The following ZNF462 variants were observed in gnomAD, a reference collection of about 807,000 sequenced individuals.
ZNF462 encodes zinc finger PBX1-interacting protein.
Under a neutral mutation model 201.9 loss-of-function variants are expected in ZNF462, and 10 were observed. The ratio of observed to expected loss-of-function variants is 0.05; its 90% CI spans 0.03 to 0.08. The LOEUF (loss-of-function observed/expected upper bound fraction) is 0.08. Ranked by LOEUF, ZNF462 falls within the 10% of genes least tolerant of loss-of-function variation. ZNF462 has a pLI of 1.00. For missense variants in ZNF462, 2,523 were observed against 3,168.3 expected (o/e 0.80, Z 4.89); for synonymous variants, 1,227 against 1,193.3 (o/e 1.03, Z -0.58).
chr9:106,911,990 C>T (rs2131311186), intron 1 of ZNF462, among the ~76,000 whole-genome samples: 1 of 152,266 alleles, frequency 6.6e-6, no homozygotes, highest in East Asian at 1.9e-4. Context: ...GAACAATATT[C>T]TGGTATCATT....
At chr9:106,922,440 C>T (rs116853836) in intron 1 of ZNF462, among the ~76,000 whole-genome samples, 2,437 of 152,218 alleles carry the variant, frequency 0.016, 29 homozygotes, top group Non-Finnish European at 0.027. Flanking sequence ...ATTTATTCCA[C>T]GGTAGGTTCA....
At chr9:106,868,218 A>T (rs146747107) in intron 1 of ZNF462, among the ~76,000 whole-genome samples, 63 of 152,342 alleles carry the variant, frequency 4.1e-4, no homozygotes, top group African/African-American at 1.5e-3. Flanking sequence ...GAGAGTAGAT[A>T]ATGCTAGAAG....
rs1397110264 is a variant in ZNF462 at position 106,924,943 on chromosome 9, C to T, written c.1031C>T (p.Pro344Leu). The T allele has an allele frequency of 1.2e-6, 2 of 1,614,054 alleles. No homozygotes were observed. Among genetic ancestry groups the T allele is most frequent in the Non-Finnish European group, 1.7e-6 (2 of 1,180,030 alleles). ...TCCAAGTTTTCGCCCATGTCTTACC[C>T]TCAGATGAAGCCGAAGTCACCTCAC... ...SASKFSPMSY[P>L]QMKPKSPHNS... Residue 344 changes from proline (P) to leucine (L), a missense_variant, in exon 3 of 13, where the codon CCT (proline) becomes CTT (leucine). Coordinates refer to ENST00000277225, the MANE Select transcript of ZNF462 (RefSeq NM_021224.6). The surrounding 1 kb of genome is among the most constrained non-coding windows in gnomAD (Gnocchi z 6.2).
chr9:106,955,552 A>G (rs13287664), intron 7 of ZNF462, among the ~76,000 whole-genome samples: 1 of 152,144 alleles, frequency 6.6e-6, no homozygotes, highest in Admixed American at 6.6e-5. Context: ...AAGTAAAACA[A>G]CAATGAAGTT....
chr9:106,864,083 TCTC>T (rs1827199454), intron 1 of ZNF462, among the ~76,000 whole-genome samples: 2 of 128,910 alleles, frequency 1.6e-5, no homozygotes, highest in African/African-American at 5.6e-5. Context: ...TCTCTCTCTC[TCTC>T]TCTCTCTCTC....
In ZNF462 at chr9:107,005,010, C is replaced by G. The variant is rs1241591273; in HGVS notation, c.7189+1584C>G. Among the ~76,000 whole-genome samples the G allele has an allele frequency of 6.6e-6, 1 of 152,098 alleles. No individual in the cohort carries two copies. The highest frequency in any genetic ancestry group is 1.5e-5 in the Non-Finnish European group (1 of 68,016). Reference sequence around the variant, plus strand: ...GTCTCATTTCACTTAATGTAATGTTCTACAAGTTTATCTATGTTGTCACAA... The same window carrying G: ...GTCTCATTTCACTTAATGTAATGTTGTACAAGTTTATCTATGTTGTCACAA... On this transcript the variant is annotated intron_variant, in intron 11 of 12. Coordinates refer to ENST00000277225, the MANE Select transcript of ZNF462 (RefSeq NM_021224.6). The surrounding 1 kb of genome is among the most constrained non-coding windows in gnomAD (Gnocchi z 4.4).
At chr9:106,878,667 C>T (rs1198829186) in intron 1 of ZNF462, among the ~76,000 whole-genome samples, 1 of 152,140 alleles carries the variant, frequency 6.6e-6, no homozygotes, top group East Asian at 1.9e-4. Flanking sequence ...TCCTCAGCCA[C>T]ATTCAAATAG....
At chr9:106,912,710 A>T (rs147296289) in intron 1 of ZNF462, among the ~76,000 whole-genome samples, 1 of 152,288 alleles carries the variant, frequency 6.6e-6, no homozygotes, top group African/African-American at 2.4e-5. Context: ...GAAAATGAAG[A>T]TGTTGGACCA....
upstream of ZNF462, among the ~76,000 whole-genome samples, chr9:106,861,075 G>A (rs1827053495): frequency 6.6e-6 from 1 of 151,480 alleles, no homozygotes; most frequent in Non-Finnish European, 1.5e-5. Flanking sequence ...CACCGCACGC[G>A]TAGAGTGTCA....
At chr9:106,918,681 C>G (rs1829876758) in intron 1 of ZNF462, among the ~76,000 whole-genome samples, 1 of 152,154 alleles carries the variant, frequency 6.6e-6, no homozygotes, top group Non-Finnish European at 1.5e-5. Flanking sequence ...ATTAATCTCC[C>G]AATACACATC....
chr9:106,904,051 A>G (rs1829166955), intron 1 of ZNF462, among the ~76,000 whole-genome samples: 1 of 151,828 alleles, frequency 6.6e-6, no homozygotes, highest in African/African-American at 2.4e-5. Context: ...TGTTTTAAAG[A>G]GATTCTGTTT....
Position 107,009,332 on chromosome 9 carries a change from G to C in ZNF462, c.7190-213G>C. ...CATTGGGGAGGTGAGGCGAAATGAG[G>C]TCTTGGGGCCCAAGAACCAGAAACA... On this transcript the variant is annotated intron_variant, in intron 11 of 12. Coordinates refer to ENST00000277225, the MANE Select transcript of ZNF462 (RefSeq NM_021224.6). This position sits in a 1 kb window ranked among gnomAD's most constrained non-coding sequence, Gnocchi z 6.1. 1 of 573,334 alleles carries C rather than the reference G, an allele frequency of 1.7e-6. No homozygotes were observed. Among genetic ancestry groups the C allele is most frequent in the Non-Finnish European group, 2.9e-6 (1 of 342,246 alleles). The allele number at this position is 573,334 out of a possible 1,614,324, so 35.5% of individuals were successfully genotyped here.
rs757468040 is a variant in ZNF462 at position 107,011,000 on chromosome 9, C to G, written c.7491C>G (p.Leu2497=). The part of the protein sequence containing the change: ...AICVVTADKS[L]LENAEAKKE ...GTGTAGTAACTGCCGACAAATCTCT[C>G]CTGGAGAATGCAGAGGCCAAAAAAG... is the stretch of plus-strand genomic sequence containing the variant. Residue 2497 remains leucine, a synonymous_variant, in exon 13 of 13, where the codon CTC becomes CTG. Transcript: ENST00000277225. The surrounding 1 kb of genome is among the most constrained non-coding windows in gnomAD (Gnocchi z 4.6). 6.2e-7 allele frequency: 1 copy of G among 1,613,604 alleles called. No individual in the cohort carries two copies. Among genetic ancestry groups the G allele is most frequent in the East Asian group, 2.2e-5 (1 of 44,774 alleles).
In ZNF462 at chr9:106,932,653, T is replaced by A. The variant is rs1830471693; in HGVS notation, c.6116+104T>A. The A allele has an allele frequency of 1.4e-6, 2 of 1,430,364 alleles. No homozygotes were observed. The highest frequency in any genetic ancestry group is 3.8e-5 in the Admixed American group (2 of 52,318). 88.6% of individuals were successfully genotyped at this position (1,430,364 alleles called of 1,614,324 possible). On this transcript the variant is annotated intron_variant, in intron 5 of 12. Transcript: ENST00000277225. The surrounding 1 kb of genome is among the most constrained non-coding windows in gnomAD (Gnocchi z 6.8). The stretch of plus-strand genomic sequence containing the variant: ...TGGATGAGTAAGAAGGCCCCACTCA[T>A]GGTTCACACCTGCTGCTATGTTACC...
Position 106,984,103 on chromosome 9 carries a change from G to A in ZNF462, c.6833-83G>A, listed in dbSNP as rs1469206319. 7.5e-7 allele frequency: 1 copy of A among 1,337,784 alleles called. No individual in the cohort carries two copies. Among genetic ancestry groups the A allele is most frequent in the Non-Finnish European group, 1.0e-6 (1 of 960,894 alleles). The allele number at this position is 1,337,784 out of a possible 1,614,324, so 82.9% of individuals were successfully genotyped here. ...CACGAGGAGCAGCAAGATTGGGTGA[G>A]TTTCTTCTTGTATTCCAAAGAAAGA... On this transcript the variant is annotated intron_variant, in intron 9 of 12. Transcript: ENST00000277225. This position sits in a 1 kb window ranked among gnomAD's most constrained non-coding sequence, Gnocchi z 6.4.
At chr9:106,976,392 G>C (rs1256906538) in intron 9 of ZNF462, 1 of 152,214 alleles carries the variant, frequency 6.6e-6, no homozygotes, top group Non-Finnish European at 1.5e-5. Flanking sequence ...CTGAAACCTA[G>C]AGGAATTTGT....
intron 1 of ZNF462, among the ~76,000 whole-genome samples, chr9:106,877,568 G>A (rs552744259): frequency 5.9e-5 from 9 of 151,942 alleles, no homozygotes; most frequent in Middle Eastern, 6.8e-3. Context: ...TTTTAGTAGA[G>A]ATGGGGTTTC....
chr9:106,927,110 T>G lies in ZNF462; in HGVS notation c.3198T>G (p.Thr1066=). Residue 1066 remains threonine, a synonymous_variant, in exon 3 of 13, where the codon ACT becomes ACG. Transcript: ENST00000277225. ...CTTCCTACTTTAGGATCCAGAAAACTATGCGAATGGTGTCTGTGGACAGGG... is the reference window on the plus strand; with the variant it reads ...CTTCCTACTTTAGGATCCAGAAAACGATGCGAATGGTGTCTGTGGACAGGG... ...EKASYFRIQK[T]MRMVSVDRGS... 1 of 1,614,132 alleles carries G rather than the reference T, an allele frequency of 6.2e-7. No individual in the cohort carries two copies. The highest frequency in any genetic ancestry group is 8.5e-7 in the Non-Finnish European group (1 of 1,180,024).
intron 9 of ZNF462, chr9:106,979,344 A>G (rs143822909): frequency 6.6e-6 from 1 of 151,970 alleles, no homozygotes; most frequent in African/African-American, 2.4e-5. Flanking sequence ...TGAGCTGCTT[A>G]TAGGGTAGCC....
Sources: allele counts gnomAD v4.1 joint callset (sites outside exome capture counted in the v4.1 genomes callset), GRCh38; gene constraint gnomAD v4.1.1; non-coding constraint Gnocchi (gnomAD v3.1); transcripts MANE v1.5; gene names NCBI Gene and HGNC (gene_info 2026-07-23, HGNC 2026-07-21).